FBLN2: variants seen among roughly 807,000 people sequenced by gnomAD.
FBLN2 encodes fibulin-2.
In FBLN2, 81 loss-of-function variants were observed where a neutral mutation model predicts 123.7. The ratio of observed to expected loss-of-function variants is 0.65; its 90% CI spans 0.55 to 0.79. The LOEUF is 0.79. Ranked by LOEUF, FBLN2 falls within the 30% of genes least tolerant of loss-of-function variation. The pLI, the probability that FBLN2 is intolerant of heterozygous loss-of-function variation, is 0.00. For synonymous variants in FBLN2, 699 were observed against 701.4 expected, an observed-to-expected ratio of 1.00 and a Z score of 0.05; for missense variants, 1,603 against 1,681.3, an observed-to-expected ratio of 0.95 and a Z score of 0.81.
chr3:13,595,138 G>A (rs2124861665), intron 2 of FBLN2, among the ~76,000 whole-genome samples: 1 of 152,318 alleles, frequency 6.6e-6, no homozygotes, highest in South Asian at 2.1e-4. Flanking sequence ...GTGCAGGGTG[G>A]GGTCTAGCAG....
rs771241069 is a variant in FBLN2, at chr3:13,630,684, C to G, written c.2969-15C>G. 1 of 1,581,610 alleles carries G rather than the reference C, an allele frequency of 6.3e-7. No individual in the cohort carries two copies. Among genetic ancestry groups the G allele is most frequent in the Non-Finnish European group, 8.6e-7 (1 of 1,161,470 alleles). ...ACTTGGGCCCTGCCATGACTGCCTG[C>G]TGGTGTCCCTGCAGACGTGAATGAG... is the stretch of plus-strand genomic sequence containing the variant. On this transcript the variant is annotated splice_polypyrimidine_tract_variant and intron_variant, in intron 14 of 17. Coordinates refer to ENST00000404922, the MANE Select transcript of FBLN2 (RefSeq NM_001004019.2).
chr3:13,609,567 C>A lies in FBLN2; in HGVS notation c.1473C>A (p.Ala491=). The change falls in exon 4 of 18, where the codon GCC becomes GCA. Residue 491 remains alanine, a synonymous_variant. Transcript: ENST00000404922. The part of the protein sequence containing the change: ...VSYLQEKSCM[A]GVLGAKEGET... ...ACTTGCAGGAGAAGAGCTGCATGGCCGGCGTCCTGGGAGCCAAGGAGGGTG... is the reference window on the plus strand; with the variant it reads ...ACTTGCAGGAGAAGAGCTGCATGGCAGGCGTCCTGGGAGCCAAGGAGGGTG... 6.4e-7 allele frequency: 1 copy of A among 1,553,230 alleles called. No homozygotes were observed. Among genetic ancestry groups the A allele is most frequent in the Non-Finnish European group, 8.7e-7 (1 of 1,147,978 alleles).
At chr3:13,575,841 C>T (rs1435619807) in intron 2 of FBLN2, among the ~76,000 whole-genome samples, 2 of 152,250 alleles carry the variant, frequency 1.3e-5, no homozygotes, top group African/African-American at 4.8e-5. Context: ...GCTCCTCCCC[C>T]ATCCCAGCCC....
At chr3:13,571,699 T>C in intron 2 of FBLN2, 38 bp downstream of exon 2, 1 of 1,494,676 alleles carries the variant, frequency 6.7e-7, no homozygotes, top group Non-Finnish European at 8.9e-7. Context: ...GCACTTTGTG[T>C]GGGAAGGGCA....
intron 10 of FBLN2, 36 bp downstream of exon 10, chr3:13,626,615 G>A (rs1027797859): frequency 5.2e-5 from 79 of 1,508,320 alleles, no homozygotes; most frequent in Non-Finnish European, 6.3e-5. Flanking sequence ...TGGAGGCCCC[G>A]CCCCATGGCC....
At chr3:13,594,572 G>T (rs768460349) in intron 2 of FBLN2, among the ~76,000 whole-genome samples, 4 of 152,198 alleles carry the variant, frequency 2.6e-5, no homozygotes, top group Admixed American at 6.5e-5. Flanking sequence ...ACATCACTCT[G>T]CCTCCCTGGG....
At chr3:13,583,633 C>T (rs2124844505) in intron 2 of FBLN2, among the ~76,000 whole-genome samples, 1 of 152,388 alleles carries the variant, frequency 6.6e-6, no homozygotes, top group South Asian at 2.1e-4. Context: ...CAGGCCTCTC[C>T]CTGGTACCTT....
chr3:13,591,477 G>A (rs1704672545), intron 2 of FBLN2, among the ~76,000 whole-genome samples: 1 of 152,172 alleles, frequency 6.6e-6, no homozygotes, highest in Non-Finnish European at 1.5e-5. Context: ...CATCTCACAT[G>A]GGGTTTCACC....
intron 1 of FBLN2, among the ~76,000 whole-genome samples, chr3:13,561,430 C>T (rs894000533): frequency 6.6e-6 from 1 of 152,112 alleles, no homozygotes; most frequent in Non-Finnish European, 1.5e-5. Context: ...CCCACCCCCC[C>T]GCCACCTCTA....
chr3:13,607,833 A>G (rs1705258225), intron 2 of FBLN2, among the ~76,000 whole-genome samples: 1 of 152,080 alleles, frequency 6.6e-6, no homozygotes, highest in South Asian at 2.1e-4. Flanking sequence ...CTCTGGCCCC[A>G]TGTTAACCTG....
At chr3:13,607,287 A>G (rs6797254) in intron 2 of FBLN2, among the ~76,000 whole-genome samples, 66,719 of 152,070 alleles carry the variant, frequency 0.44, 14,850 homozygotes, top group African/African-American at 0.51. Context: ...CACCCAGCCT[A>G]TATTCTGTAT....
At chr3:13,569,803 G>C (rs1489151206) in intron 1 of FBLN2, among the ~76,000 whole-genome samples, 1 of 150,700 alleles carries the variant, frequency 6.6e-6, no homozygotes, top group African/African-American at 2.4e-5. Context: ...CAAGGATCTG[G>C]GGGGAGGGAT....
chr3:13,631,438 C>T lies in FBLN2; in HGVS notation c.3195C>T (p.Ala1065=). 6.3e-7 allele frequency: 1 copy of T among 1,594,938 alleles called. No homozygotes were observed. The highest frequency in any genetic ancestry group is 1.3e-5 in the African/African-American group (1 of 74,668). The stretch of plus-strand genomic sequence containing the variant: ...CTGAGCAGGGCTACACCATGACGGC[C>T]AACGGGAGGTCCTGCAAGGGTGAGC... ...ACPEQGYTMT[A]NGRSCKDVDE... Residue 1065 remains alanine (A), a synonymous_variant, in exon 16 of 18, where the codon GCC becomes GCT. Coordinates refer to ENST00000404922, the MANE Select transcript of FBLN2 (RefSeq NM_001004019.2).
At chr3:13,614,277 C>T in intron 5 of FBLN2, 113 bp downstream of exon 5, 2 of 1,051,444 alleles carry the variant, frequency 1.9e-6, no homozygotes, top group African/African-American at 1.6e-5. Context: ...ACAAGTTCTG[C>T]TCTAAACAGA....
intron 1 of FBLN2, among the ~76,000 whole-genome samples, chr3:13,552,538 G>A (rs1019576637): frequency 7.9e-5 from 12 of 152,150 alleles, no homozygotes; most frequent in African/African-American, 2.9e-4. Context: ...CCTCCAGGGC[G>A]CCTTCTGAAT....
chr3:13,631,139 A>G (rs1258496866), intron 15 of FBLN2, among the ~76,000 whole-genome samples, 190 bp from the exon 16 acceptor site: 8 of 152,164 alleles, frequency 5.3e-5, no homozygotes, highest in African/African-American at 1.4e-4. Flanking sequence ...CCTAGGGCAT[A>G]AGCACTGGAG....
chr3:13,609,964 G>A (rs960332262), intron 4 of FBLN2, among the ~76,000 whole-genome samples: 3 of 152,202 alleles, frequency 2.0e-5, no homozygotes, highest in African/African-American at 2.4e-5. Context: ...GGAAGATCAC[G>A]ATGAATATTT....
chr3:13,565,321 A>G (rs1302089338), intron 1 of FBLN2, among the ~76,000 whole-genome samples: 1 of 152,060 alleles, frequency 6.6e-6, no homozygotes, highest in African/African-American at 2.4e-5. Flanking sequence ...TTGTGTCTCC[A>G]CTCCGGTGGC....
In FBLN2 at chr3:13,570,672, A is replaced by C; in HGVS notation, c.317A>C (p.Lys106Thr). The change falls in exon 2 of 18, where the codon AAG (lysine) becomes ACG (threonine). Residue 106 changes from lysine (K) to threonine (T), a missense_variant. By Grantham distance (78) the Lys-to-Thr change is moderately conservative (BLOSUM62 -1). Transcript: ENST00000404922. The stretch of plus-strand genomic sequence containing the variant: ...TGCTCCTGCCCACCAGGCGGCGGCA[A>C]GATCAGCTGCCAGTTCATGCTGTGC... ...TECSCPPGGG[K>T]ISCQFMLCPE... 2 of 1,586,026 alleles carry C rather than the reference A, an allele frequency of 1.3e-6. No individual in the cohort carries two copies. Among genetic ancestry groups the C allele is most frequent in the Non-Finnish European group, 1.7e-6 (2 of 1,167,212 alleles).
Sources: allele counts gnomAD v4.1 joint callset (sites outside exome capture counted in the v4.1 genomes callset), GRCh38; gene constraint gnomAD v4.1.1; transcripts MANE v1.5; gene names NCBI Gene and HGNC (gene_info 2026-07-23, HGNC 2026-07-21).